Variants in ZNF250 observed in about 807,000 individuals in gnomAD.
The protein encoded by ZNF250 is zinc finger protein 250, also known as zinc finger protein (clone 647).
ZNF250 carries 13 observed loss-of-function variants against 37.1 expected under a neutral mutation model. The observed-to-expected ratio is 0.35, with a 90% CI of 0.23 to 0.56. ZNF250 has a LOEUF of 0.56. Among genes scored for constraint, ZNF250 ranks in the 20% least tolerant of loss-of-function variants. ZNF250 has a pLI of 0.87. For missense variants in ZNF250, 474 were observed against 697.9 expected, an observed-to-expected ratio of 0.68 and a Z score of 3.61; for synonymous variants, 251 against 265.6, an observed-to-expected ratio of 0.94 and a Z score of 0.54.
Position 144,882,011 on chromosome 8 carries a change from T to G in ZNF250, c.1172A>C (p.Glu391Ala), listed in dbSNP as rs1831510876. Residue 391 changes from glutamate (E) to alanine (A), a missense_variant, in exon 6 of 6, where the codon GAG (glutamate) becomes GCG (alanine). Coordinates refer to ENST00000417550, the MANE Select transcript of ZNF250 (RefSeq NM_001109689.4). The surrounding 1 kb of genome is among the most constrained non-coding windows in gnomAD (Gnocchi z 5.5). ...GAAGGTCTTCCCACACTCACTGCAC[T>G]CATAGGGCTTCTCCCCGGTGTGCAC... ...HNVHTGEKPY[E>A]CSECGKTFSH... is the part of the protein sequence containing the mutation. 1 of 1,613,704 alleles carries G rather than the reference T, an allele frequency of 6.2e-7. No individual in the cohort carries two copies. Among genetic ancestry groups the G allele is most frequent in the Non-Finnish European group, 8.5e-7 (1 of 1,179,908 alleles).
chr8:144,900,644 C>A (rs1167785133), intron 1 of ZNF250, among the ~76,000 whole-genome samples: 2 of 152,094 alleles, frequency 1.3e-5, no homozygotes, highest in African/African-American at 4.8e-5. Context: ...TAAAATAGGG[C>A]TCTAACACAG....
At chr8:144,883,339 TTTC>T (rs1457115159) in intron 5 of ZNF250, among the ~76,000 whole-genome samples, 12 of 150,812 alleles carry the variant, frequency 8.0e-5, no homozygotes, top group Non-Finnish European at 1.5e-4. Context: ...TGGAAAATAA[TTTC>T]TTTTTTTTTT....
At chr8:144,883,539 C>T (rs953220887) in intron 5 of ZNF250, among the ~76,000 whole-genome samples, 1 of 152,008 alleles carries the variant, frequency 6.6e-6, no homozygotes, top group Non-Finnish European at 1.5e-5. Flanking sequence ...GGGGTTTTAT[C>T]GTGTCGGCCA....
At chr8:144,900,397 T>C (rs1480494514) in intron 1 of ZNF250, among the ~76,000 whole-genome samples, 1 of 152,122 alleles carries the variant, frequency 6.6e-6, no homozygotes, top group Admixed American at 6.5e-5. Flanking sequence ...TTCCCTTTGA[T>C]GACAGAAAAA....
intron 4 of ZNF250, among the ~76,000 whole-genome samples, chr8:144,887,245 C>T (rs973871009): frequency 4.6e-5 from 4 of 87,434 alleles, no homozygotes; most frequent in Non-Finnish European, 6.0e-5. Flanking sequence ...AGTGAAACTC[C>T]GTCTCTCAAA....
chr8:144,895,838 T>C (rs1025093233), intron 1 of ZNF250, among the ~76,000 whole-genome samples: 1 of 150,914 alleles, frequency 6.6e-6, no homozygotes, highest in Non-Finnish European at 1.5e-5. Context: ...TGAAACCCCG[T>C]CTCTACTAAA....
intron 5 of ZNF250, among the ~76,000 whole-genome samples, chr8:144,883,213 G>A (rs956463909): frequency 4.6e-5 from 7 of 152,222 alleles, no homozygotes; most frequent in African/African-American, 1.7e-4. Context: ...GGGGCAGACA[G>A]CAGCACTTGG....
chr8:144,889,774 T>C (rs1832180655), intron 3 of ZNF250, 80 bp from the exon 4 acceptor site: 18 of 1,500,038 alleles, frequency 1.2e-5, no homozygotes, highest in Admixed American at 1.9e-5. Context: ...TGTGGGGACA[T>C]GAAAATGGAC....
chr8:144,886,906 GA>G lies in ZNF250; in HGVS notation c.284-5del. On this transcript the variant is annotated splice_polypyrimidine_tract_variant and splice_region_variant and intron_variant, in intron 4 of 5. Coordinates refer to ENST00000417550, the MANE Select transcript of ZNF250 (RefSeq NM_001109689.4). ...GTGTGGTCATATTTGAGGTTGTCTG[GA>G]AAAAAAACAGCGAGTTGAAGTGACA... 4 of 1,611,166 alleles carry G rather than the reference GA, an allele frequency of 2.5e-6. No individual in the cohort carries two copies. The highest frequency in any genetic ancestry group is 3.4e-6 in the Non-Finnish European group (4 of 1,178,228).
At position 144,897,288 on chromosome 8, in the gene ZNF250, T is replaced by A. The variant is rs1832784779; in HGVS notation, c.-55+4111A>T. On this transcript the variant is annotated intron_variant, in intron 1 of 5. Transcript: ENST00000417550. The surrounding 1 kb of genome is among the most constrained non-coding windows in gnomAD (Gnocchi z 5.2). ...CTTTCTGCTAACAAGCACTGCTCCC[T>A]CTTCATCACCAAGGAGCCCCTACCC... Among the ~76,000 whole-genome samples, 1 of 152,184 alleles carries A rather than the reference T, an allele frequency of 6.6e-6. No homozygotes were observed. The highest frequency in any genetic ancestry group is 1.5e-5 in the Non-Finnish European group (1 of 68,032).
intron 5 of ZNF250, among the ~76,000 whole-genome samples, chr8:144,885,206 G>C (rs1323094452): frequency 6.6e-6 from 1 of 151,804 alleles, no homozygotes; most frequent in Non-Finnish European, 1.5e-5. Flanking sequence ...CGCAACCTCT[G>C]CCTCCCAGGT....
chr8:144,901,939 G>GCA (rs1372388102), upstream of ZNF250: 2 of 152,422 alleles, frequency 1.3e-5, no homozygotes, highest in East Asian at 3.9e-4. This position sits in a 1 kb window ranked among gnomAD's most constrained non-coding sequence, Gnocchi z 5.4. Context: ...CCGCCTGGCT[G>GCA]GTCCCTGCGC....
chr8:144,896,925 G>A (rs1832765308), intron 1 of ZNF250, among the ~76,000 whole-genome samples: 2 of 152,188 alleles, frequency 1.3e-5, no homozygotes, highest in South Asian at 2.1e-4. Flanking sequence ...GGCAGCATAA[G>A]GAGCTAATTT....
chr8:144,881,425 TAG>T lies in ZNF250; in HGVS notation c.*88_*89del. ...TGAATCGCCAAAGAAAAGCTTCCTA[TAG>T]AGTTAACAGAGACTTCTCTTGGGCT... On this transcript the variant is annotated 3_prime_UTR_variant, in exon 6 of 6. Transcript: ENST00000417550. The T allele has an allele frequency of 6.8e-7, 1 of 1,465,586 alleles. No individual in the cohort carries two copies. Among genetic ancestry groups the T allele is most frequent in the Non-Finnish European group, 9.0e-7 (1 of 1,106,524 alleles). 90.8% of individuals were successfully genotyped at this position (1,465,586 alleles called of 1,614,324 possible).
intron 1 of ZNF250, among the ~76,000 whole-genome samples, chr8:144,899,331 A>G (rs1000076720): frequency 6.6e-6 from 1 of 152,164 alleles, no homozygotes; most frequent in African/African-American, 2.4e-5. Context: ...CCACGGTAAG[A>G]TGACTACAGT....
Position 144,880,726 on chromosome 8 carries a change from T to C in ZNF250, c.*789A>G. 3.0e-6 allele frequency: 1 copy of C among 328,804 alleles called. No individual in the cohort carries two copies. The highest frequency in any genetic ancestry group is 7.5e-5 in the East Asian group (1 of 13,348). The allele number at this position is 328,804 out of a possible 1,614,324, so 20.4% of individuals were successfully genotyped here. ...TAAAAATACAAAAATTAGCCAGGTG[T>C]GGTGGCGCATATCTATAATCCTAGT... On this transcript the variant is annotated 3_prime_UTR_variant, in exon 6 of 6. Transcript: ENST00000417550.
rs572529156 is a variant in ZNF250 at position 144,881,007 on chromosome 8, T to G, written c.*508A>C. Reference sequence around the variant, plus strand: ...TAGGATTTCCAACCATTTTACATGATGCTTGATGAAAATATCTTTTTATAT... The same window carrying G: ...TAGGATTTCCAACCATTTTACATGAGGCTTGATGAAAATATCTTTTTATAT... On this transcript the variant is annotated 3_prime_UTR_variant, in exon 6 of 6. Coordinates refer to ENST00000417550, the MANE Select transcript of ZNF250 (RefSeq NM_001109689.4). 6.3e-6 allele frequency: 1 copy of G among 158,890 alleles called. No individual in the cohort carries two copies. The highest frequency in any genetic ancestry group is 2.4e-5 in the African/African-American group (1 of 41,502). 9.8% of individuals were successfully genotyped at this position (158,890 alleles called of 1,614,324 possible). A position where few individuals can be genotyped will look rare whatever the true frequency, so the allele number is the denominator to read the frequency against.
chr8:144,902,110 G>A (rs1255994002), upstream of ZNF250: 1 of 152,380 alleles, frequency 6.6e-6, no homozygotes, highest in Non-Finnish European at 1.5e-5. Flanking sequence ...TGTCCGGCCC[G>A]GCGTGCTCCC....
intron 5 of ZNF250, among the ~76,000 whole-genome samples, chr8:144,883,667 T>C (rs1422998671): frequency 6.6e-6 from 1 of 151,636 alleles, no homozygotes; most frequent in African/African-American, 2.4e-5. Context: ...ATGTGGAGAA[T>C]GCAGTGGCAG....
Sources: allele counts gnomAD v4.1 joint callset (sites outside exome capture counted in the v4.1 genomes callset), GRCh38; gene constraint gnomAD v4.1.1; non-coding constraint Gnocchi (gnomAD v3.1); transcripts MANE v1.5; gene names NCBI Gene and HGNC (gene_info 2026-07-23, HGNC 2026-07-21).